The following SYNE2 variants were observed in gnomAD, a reference collection of about 807,000 sequenced individuals.
SYNE2 encodes the protein nesprin-2.
SYNE2 carries 431 observed loss-of-function variants against 856.3 expected under a neutral mutation model. The ratio of observed to expected loss-of-function variants is 0.50; its 90% CI spans 0.47 to 0.55. The LOEUF is 0.55. SYNE2 is among the 20% of genes least tolerant of loss of function. The probability of loss-of-function intolerance (pLI) is 0.00; values close to 1 mark genes in which losing one functional copy is unlikely to be tolerated. For synonymous variants in SYNE2, 2,923 were observed against 2,872.3 expected (o/e 1.02, Z -0.56); for missense variants, 8,129 against 8,023.2 (o/e 1.01, Z -0.50).
chr14:64,212,677 A>AC, intron 104 of SYNE2, 134 bp from the exon 105 acceptor site: 1 of 818,570 alleles, frequency 1.2e-6, no homozygotes, highest in Non-Finnish European at 2.0e-6. Context: ...TTAAAAACTA[A>AC]AGCTAGAGTA....
At chr14:63,855,936 G>A (rs1237080637) in intron 1 of SYNE2, among the ~76,000 whole-genome samples, 2 of 152,208 alleles carry the variant, frequency 1.3e-5, no homozygotes, top group African/African-American at 4.8e-5. Flanking sequence ...GAATACTGGT[G>A]AGAAGGCCTC....
intron 84 of SYNE2, among the ~76,000 whole-genome samples, chr14:64,150,661 G>A (rs1228534707): frequency 6.6e-6 from 1 of 152,130 alleles, no homozygotes; most frequent in Non-Finnish European, 1.5e-5. Context: ...GTAAATAAGT[G>A]TTTTTAGAAA....
chr14:64,109,786 C>G (rs768411078), intron 65 of SYNE2, among the ~76,000 whole-genome samples: 12 of 152,152 alleles, frequency 7.9e-5, no homozygotes, highest in Non-Finnish European at 1.5e-4. Flanking sequence ...TGGCACAGCA[C>G]ATCACTAATG....
At chr14:64,093,321 A>G (rs752224459) in intron 60 of SYNE2, 28 bp from the exon 61 acceptor site, 1 of 1,612,812 alleles carries the variant, frequency 6.2e-7, no homozygotes, top group Admixed American at 1.7e-5. Flanking sequence ...TATGACAAAG[A>G]TTCTTTTTTG....
chr14:63,945,845 C>T (rs1476859230), intron 6 of SYNE2, among the ~76,000 whole-genome samples: 1 of 152,052 alleles, frequency 6.6e-6, no homozygotes, highest in Non-Finnish European at 1.5e-5. Flanking sequence ...GCTGGTCAAG[C>T]TGTTGCCAGT....
At position 63,977,921 on chromosome 14, in the gene SYNE2, T is replaced by A; in HGVS notation, c.1310T>A (p.Phe437Tyr). The change falls in exon 13 of 116, where the codon TTT (phenylalanine) becomes TAT (tyrosine). Residue 437 changes from phenylalanine to tyrosine, a missense_variant. Phe to Tyr is a conservative substitution (Grantham distance 22, BLOSUM62 3). Transcript: ENST00000555002. Reference protein sequence around the residue: ...MTLFKSLMDRFEHHSNILLTF... With the variant: ...MTLFKSLMDRYEHHSNILLTF... The stretch of plus-strand genomic sequence containing the variant: ...TCTTTTCAGAGCCTGATGGATAGAT[T>A]TGAGCATCATTCGAACATTCTCCTT... 1 of 1,613,220 alleles carries A rather than the reference T, an allele frequency of 6.2e-7. No homozygotes were observed. Among genetic ancestry groups the A allele is most frequent in the Non-Finnish European group, 8.5e-7 (1 of 1,179,184 alleles).
At position 64,134,821 on chromosome 14, in the gene SYNE2, C is replaced by CA. The variant is rs775008007; in HGVS notation, c.14646+637dup. On this transcript the variant is annotated intron_variant, in intron 78 of 115. Coordinates refer to ENST00000555002, the MANE Select transcript of SYNE2 (RefSeq NM_182914.3). ...GTGAAACCCTGTCTCTACTAAAATACAAAAAAAAAAAAAAAATTAGCTGGG... is the reference window on the plus strand; with the variant it reads ...GTGAAACCCTGTCTCTACTAAAATACAAAAAAAAAAAAAAAAATTAGCTGGG... Among the ~76,000 whole-genome samples, 1,086 of 120,684 alleles carry CA rather than the reference C, an allele frequency of 9.0e-3. 13 individuals carry two copies. Among genetic ancestry groups the CA allele is most frequent in the African/African-American group, 0.025 (827 of 32,528 alleles). 79.2% of individuals were successfully genotyped at this position (120,684 alleles called of 152,430 possible).
At chr14:63,934,641 C>T (rs2095807137) in intron 2 of SYNE2, among the ~76,000 whole-genome samples, 1 of 152,006 alleles carries the variant, frequency 6.6e-6, no homozygotes, top group South Asian at 2.1e-4. Context: ...CTTATTCACT[C>T]AGTTTCACGC....
At chr14:63,809,900 A>T (rs1474329731) in intron 1 of SYNE2, among the ~76,000 whole-genome samples, 1 of 152,208 alleles carries the variant, frequency 6.6e-6, no homozygotes, top group Non-Finnish European at 1.5e-5. Flanking sequence ...TCCTAAAAAA[A>T]TCTCAAAAGA....
At chr14:64,164,090 A>G (rs200720365) in intron 89 of SYNE2, among the ~76,000 whole-genome samples, 7 of 88,624 alleles carry the variant, frequency 7.9e-5, no homozygotes, top group African/African-American at 3.4e-4. Flanking sequence ...TGGCTTGCTT[A>G]TTTATTTATT....
intron 101 of SYNE2, 43 bp downstream of exon 101, chr14:64,208,988 G>A (rs763651642): frequency 1.3e-5 from 20 of 1,596,784 alleles, no homozygotes; most frequent in Middle Eastern, 1.7e-4. Flanking sequence ...GTGGTCAGCC[G>A]AACTCAATAC....
chr14:63,768,911 C>A lies in SYNE2; in HGVS notation c.-305+6925C>A, dbSNP rs1444062645. 3.3e-5 allele frequency among the ~76,000 whole-genome samples: 5 copies of A among 151,696 alleles called. No homozygotes were observed. The Admixed American group carries it at 3.3e-4, about 10-fold the overall frequency. ...CACCTAGATGATGAAGAACAAAACA[C>A]AAGACATATTAATTGCAATGAGGAT... On this transcript the variant is annotated intron_variant, in intron 1 of 23. Transcript: ENST00000674003.
At chr14:63,842,757 C>T in intron 1 of SYNE2, among the ~76,000 whole-genome samples, 1 of 151,922 alleles carries the variant, frequency 6.6e-6, no homozygotes, top group Non-Finnish European at 1.5e-5. Flanking sequence ...ACTGTGCTGG[C>T]CTATACATAT....
At chr14:64,136,756 G>T (rs1567419233) in intron 78 of SYNE2, among the ~76,000 whole-genome samples, 1 of 152,156 alleles carries the variant, frequency 6.6e-6, no homozygotes, top group Non-Finnish European at 1.5e-5. Context: ...CCCTGGAAAT[G>T]AATTTTTCTG....
intron 80 of SYNE2, among the ~76,000 whole-genome samples, chr14:64,140,859 A>T (rs1382216469): frequency 6.6e-6 from 1 of 151,966 alleles, no homozygotes; most frequent in African/African-American, 2.4e-5. Flanking sequence ...TGGTCAATGC[A>T]TTTATGAAAC....
intron 64 of SYNE2, among the ~76,000 whole-genome samples, chr14:64,102,313 C>T (rs528785623): frequency 2.6e-5 from 4 of 152,248 alleles, no homozygotes; most frequent in African/African-American, 7.2e-5. Context: ...GACGGGGTTT[C>T]GCCATGTTGC....
chr14:63,971,375 T>C (rs1235321269), intron 11 of SYNE2, among the ~76,000 whole-genome samples: 1 of 152,120 alleles, frequency 6.6e-6, no homozygotes, highest in African/African-American at 2.4e-5. Context: ...CTTGGCCTAC[T>C]GAAGTGCTGG....
chr14:64,163,868 C>G (rs1037695170), intron 89 of SYNE2, among the ~76,000 whole-genome samples: 2 of 152,110 alleles, frequency 1.3e-5, no homozygotes, highest in Non-Finnish European at 2.9e-5. Context: ...GTAATTGAGC[C>G]ATAGAAGTAG....
In SYNE2 at chr14:64,141,437, A is replaced by G. The variant is rs527550049; in HGVS notation, c.15073A>G (p.Thr5025Ala). The change falls in exon 81 of 116, where the codon ACA becomes GCA. Residue 5025 changes from threonine to alanine, a missense_variant. Physicochemically the swap from Thr to Ala is moderately conservative, Grantham distance 58 (BLOSUM62 0). Around this residue, in one of 3 missense-constraint regions of SYNE2, gnomAD observed 5,410 missense variants for 5,284.8 expected, o/e 1.02. Coordinates refer to ENST00000555002, the MANE Select transcript of SYNE2 (RefSeq NM_182914.3). ...LLHLKETDTA[T>A]LRASLAQFEQ... ...TCACCTGAAAGAAACTGATACAGCTACACTGAGAGCTTCTTTAGCACAGTT... is the reference window on the plus strand; with the variant it reads ...TCACCTGAAAGAAACTGATACAGCTGCACTGAGAGCTTCTTTAGCACAGTT... 23 of 1,614,136 alleles carry G rather than the reference A, an allele frequency of 1.4e-5. No homozygotes were observed. The East Asian group carries it at 2.2e-4, about 16-fold the overall frequency.
Sources: allele counts gnomAD v4.1 joint callset (sites outside exome capture counted in the v4.1 genomes callset), GRCh38; gene constraint gnomAD v4.1.1; regional missense constraint gnomAD v4.1.1; transcripts MANE v1.5; gene names NCBI Gene and HGNC (gene_info 2026-07-23, HGNC 2026-07-21).